The following CAMK1D variants were observed in gnomAD, a reference collection of about 807,000 sequenced individuals.
CAMK1D encodes the protein calcium/calmodulin-dependent protein kinase type 1D.
In CAMK1D, 9 loss-of-function variants were observed where a neutral mutation model predicts 47.7. The ratio of observed to expected loss-of-function variants is 0.19; its 90% CI spans 0.11 to 0.33. The LOEUF (loss-of-function observed/expected upper bound fraction) is 0.33. Ranked by LOEUF, CAMK1D falls within the 10% of genes least tolerant of loss-of-function variation. The pLI is 1.00. For missense variants in CAMK1D, 291 were observed against 488.7 expected (o/e 0.60, Z 3.81); for synonymous variants, 184 against 184.9 (o/e 0.99, Z 0.04).
Position 12,773,944 on chromosome 10 carries a change from C to G in CAMK1D, c.565+4145C>G, listed in dbSNP as rs142784425. Among the ~76,000 whole-genome samples, 992 of 151,994 alleles carry G rather than the reference C, an allele frequency of 6.5e-3. 10 individuals are homozygous for G. The highest frequency in any genetic ancestry group is 0.023 in the African/African-American group (949 of 41,470). ...TACAAATGTGAATAAGGTACAAATT[C>G]TGACCTCAGTATTATGAGAGAGAAA... On this transcript the variant is annotated intron_variant, in intron 5 of 10. Coordinates refer to ENST00000619168, the MANE Select transcript of CAMK1D (RefSeq NM_153498.4).
chr10:12,799,715 T>A (rs1321149427), intron 6 of CAMK1D, among the ~76,000 whole-genome samples: 1 of 152,194 alleles, frequency 6.6e-6, no homozygotes, highest in African/African-American at 2.4e-5. Flanking sequence ...TTTCCCAACT[T>A]CCTGCAGATG....
rs192005224 is a variant in CAMK1D, at chr10:12,573,801, C to T, written c.224+20445C>T. Among the ~76,000 whole-genome samples, 1,017 of 147,728 alleles carry T rather than the reference C, an allele frequency of 6.9e-3. 10 individuals carry two copies. The highest frequency in any genetic ancestry group is 0.011 in the Non-Finnish European group (739 of 67,274). On this transcript the variant is annotated intron_variant, in intron 2 of 10. Coordinates refer to ENST00000619168, the MANE Select transcript of CAMK1D (RefSeq NM_153498.4). ...TCGCAAGTAGCTGGGATTACAAGCA[C>T]GTGCCACCATGCCTGGCTTATTAAA... is the stretch of plus-strand genomic sequence containing the variant.
intron 4 of CAMK1D, among the ~76,000 whole-genome samples, chr10:12,762,713 C>T (rs1343043403): frequency 6.6e-6 from 1 of 152,164 alleles, no homozygotes; most frequent in East Asian, 1.9e-4. Context: ...GAGCCTTCAT[C>T]CTCTGCAGGC....
chr10:12,661,899 C>A (rs1840284002), intron 2 of CAMK1D, among the ~76,000 whole-genome samples: 2 of 152,260 alleles, frequency 1.3e-5, no homozygotes, highest in African/African-American at 4.8e-5. Flanking sequence ...AAGAACAAAT[C>A]TTCCCGAACA....
intron 2 of CAMK1D, among the ~76,000 whole-genome samples, chr10:12,656,106 G>T (rs1840108491): frequency 6.6e-6 from 1 of 152,196 alleles, no homozygotes; most frequent in Non-Finnish European, 1.5e-5. Flanking sequence ...GACCCAGGAA[G>T]GGGATGTGAC....
intron 1 of CAMK1D, among the ~76,000 whole-genome samples, chr10:12,463,764 T>C (rs1318712941): frequency 1.3e-5 from 2 of 152,156 alleles, no homozygotes; most frequent in African/African-American, 4.8e-5. Context: ...ATAATTCCTA[T>C]AAATCCCCAT....
At chr10:12,694,107 TAA>T (rs1491484355) in intron 3 of CAMK1D, among the ~76,000 whole-genome samples, 1 of 41,826 alleles carries the variant, frequency 2.4e-5, no homozygotes, top group Non-Finnish European at 4.2e-5. Flanking sequence ...ATATAATATA[TAA>T]TATATATTAT....
At chr10:12,538,155 G>A (rs570616997) in intron 1 of CAMK1D, among the ~76,000 whole-genome samples, 27 of 152,352 alleles carry the variant, frequency 1.8e-4, no homozygotes, top group African/African-American at 6.5e-4. Flanking sequence ...AACATACAGG[G>A]AAAATAGACC....
chr10:12,387,371 ATATTATATATTATATATATTATATAT>A (rs1333568205), intron 1 of CAMK1D, among the ~76,000 whole-genome samples: 3,888 of 50,962 alleles, frequency 0.076, 141 homozygotes, highest in Non-Finnish European at 0.15. Flanking sequence ...TATAATATAT[ATATTATATATTATATATATTATATAT>A]TTTTATATAT....
chr10:12,507,061 A>T (rs1227518689), intron 1 of CAMK1D, among the ~76,000 whole-genome samples: 4 of 152,268 alleles, frequency 2.6e-5, no homozygotes, highest in Non-Finnish European at 4.4e-5. Flanking sequence ...GTTCGTTGGA[A>T]TGCTGAGTGG....
At chr10:12,534,730 C>G (rs559157762) in intron 1 of CAMK1D, among the ~76,000 whole-genome samples, 2 of 152,098 alleles carry the variant, frequency 1.3e-5, no homozygotes, top group African/African-American at 2.4e-5. Context: ...GGGATCAGTG[C>G]GAATGTTGCT....
intron 3 of CAMK1D, among the ~76,000 whole-genome samples, chr10:12,692,686 C>G (rs1256471144): frequency 6.6e-6 from 1 of 152,074 alleles, no homozygotes; most frequent in Non-Finnish European, 1.5e-5. Flanking sequence ...ATTTAACTGA[C>G]CAAGTGTTCC....
chr10:12,798,249 G>C (rs1426918649), intron 6 of CAMK1D, among the ~76,000 whole-genome samples: 2 of 152,208 alleles, frequency 1.3e-5, no homozygotes, highest in Non-Finnish European at 2.9e-5. Flanking sequence ...AAAGGCTTTG[G>C]GATATTTGGC....
At chr10:12,534,315 T>G (rs1291364046) in intron 1 of CAMK1D, among the ~76,000 whole-genome samples, 1 of 152,132 alleles carries the variant, frequency 6.6e-6, no homozygotes, top group Non-Finnish European at 1.5e-5. Context: ...GTTCAAGTGA[T>G]TCTCCTGCCT....
At chr10:12,713,870 T>C (rs1474902567) in intron 3 of CAMK1D, among the ~76,000 whole-genome samples, 1 of 152,226 alleles carries the variant, frequency 6.6e-6, no homozygotes, top group African/African-American at 2.4e-5. Context: ...TAATAAAATG[T>C]ATAATTATCC....
intron 1 of CAMK1D, among the ~76,000 whole-genome samples, chr10:12,359,507 C>G (rs73587011): frequency 6.6e-6 from 1 of 151,504 alleles, no homozygotes; most frequent in Non-Finnish European, 1.5e-5. Context: ...TCAGCCCTCC[C>G]CCTGGGTAGC....
intron 3 of CAMK1D, among the ~76,000 whole-genome samples, chr10:12,709,634 G>A (rs1280829408): frequency 3.3e-5 from 5 of 152,138 alleles, no homozygotes; most frequent in Admixed American, 3.3e-4. Context: ...GGGCCTGTGT[G>A]TTTTAATCTG....
At chr10:12,440,333 G>A (rs1000096594) in intron 1 of CAMK1D, among the ~76,000 whole-genome samples, 1 of 150,706 alleles carries the variant, frequency 6.6e-6, no homozygotes, top group African/African-American at 2.4e-5. Context: ...CACCCAGGCT[G>A]GAATGCAGTG....
chr10:12,446,475 C>T (rs563122636), intron 1 of CAMK1D, among the ~76,000 whole-genome samples: 9 of 152,274 alleles, frequency 5.9e-5, no homozygotes, highest in South Asian at 2.1e-4. Flanking sequence ...GCTTCTTTAC[C>T]GCAGCCTGTT....
Sources: allele counts gnomAD v4.1 joint callset (sites outside exome capture counted in the v4.1 genomes callset), GRCh38; gene constraint gnomAD v4.1.1; transcripts MANE v1.5; gene names NCBI Gene and HGNC (gene_info 2026-07-23, HGNC 2026-07-21).